The following SEPTIN11 variants were observed in gnomAD, a reference collection of about 807,000 sequenced individuals.
SEPTIN11 encodes the protein septin-11.
Under a neutral mutation model 51.4 loss-of-function variants are expected in SEPTIN11, and 25 were observed. The observed-to-expected ratio is 0.49, with a 90% CI of 0.35 to 0.68. The LOEUF is 0.68. Ranked by LOEUF, SEPTIN11 falls within the 30% of genes least tolerant of loss-of-function variation. The pLI, the probability that SEPTIN11 is intolerant of heterozygous loss-of-function variation, is 0.00. For missense variants in SEPTIN11, 381 were observed against 520.8 expected (o/e 0.73, Z 2.61); for synonymous variants, 174 against 184.1 (o/e 0.95, Z 0.44).
At chr4:77,016,250 CT>C (rs1725214380) in intron 5 of SEPTIN11, among the ~76,000 whole-genome samples, 2 of 151,836 alleles carry the variant, frequency 1.3e-5, no homozygotes, top group East Asian at 3.9e-4. Context: ...GTTATTATTC[CT>C]CCCTCATATA....
intron 1 of SEPTIN11, among the ~76,000 whole-genome samples, chr4:76,963,207 A>G (rs1721891732): frequency 6.6e-6 from 1 of 152,218 alleles, no homozygotes; most frequent in African/African-American, 2.4e-5. Flanking sequence ...TGGTCTTTAA[A>G]TATACTTTTG....
chr4:77,001,007 A>G (rs914609890), intron 2 of SEPTIN11, among the ~76,000 whole-genome samples: 3 of 152,172 alleles, frequency 2.0e-5, no homozygotes, highest in Non-Finnish European at 4.4e-5. Context: ...CAGATCAACA[A>G]TTTGTTCAAT....
At chr4:76,988,136 A>C (rs1239549252) in intron 1 of SEPTIN11, among the ~76,000 whole-genome samples, 1 of 152,220 alleles carries the variant, frequency 6.6e-6, no homozygotes, top group Non-Finnish European at 1.5e-5. Context: ...CCGCCTATTA[A>C]ATTAATATTC....
intron 1 of SEPTIN11, among the ~76,000 whole-genome samples, chr4:76,983,063 G>A (rs968651082): frequency 3.3e-5 from 5 of 152,076 alleles, no homozygotes; most frequent in African/African-American, 9.7e-5. Flanking sequence ...GGCAGAATCC[G>A]AAAATGGCCC....
intron 7 of SEPTIN11, among the ~76,000 whole-genome samples, chr4:77,027,685 T>C (rs1726277164): frequency 6.6e-6 from 1 of 152,168 alleles, no homozygotes; most frequent in South Asian, 2.1e-4. Flanking sequence ...CAACAATTGT[T>C]GTAGGGAAAC....
At chr4:77,012,426 A>G (rs1724940768) in intron 4 of SEPTIN11, among the ~76,000 whole-genome samples, 1 of 152,210 alleles carries the variant, frequency 6.6e-6, no homozygotes, top group Non-Finnish European at 1.5e-5. Flanking sequence ...TTTTCACAAC[A>G]CATGAAGGAA....
At chr4:76,986,492 A>G in intron 1 of SEPTIN11, among the ~76,000 whole-genome samples, 1 of 152,234 alleles carries the variant, frequency 6.6e-6, no homozygotes, top group Non-Finnish European at 1.5e-5. Context: ...CAAAAGATAA[A>G]TATGTTAATT....
chr4:77,036,436 G>C lies in SEPTIN11; in HGVS notation c.*1924G>C. 4 of 1,182,638 alleles carry C rather than the reference G, an allele frequency of 3.4e-6. No homozygotes were observed. The South Asian group carries it at 7.5e-5, about 22-fold the overall frequency. The allele number at this position is 1,182,638 out of a possible 1,614,324, so 73.3% of individuals were successfully genotyped here. On this transcript the variant is annotated 3_prime_UTR_variant, in exon 10 of 10. Coordinates refer to ENST00000264893, the MANE Select transcript of SEPTIN11 (RefSeq NM_018243.4). ...TGCTTGTTCCAACCACCGCTTGTGT[G>C]AGCATTTTTGTGGCTTGTACAGAAA...
At chr4:76,960,076 G>A (rs1167174251) in intron 1 of SEPTIN11, among the ~76,000 whole-genome samples, 3 of 152,096 alleles carry the variant, frequency 2.0e-5, no homozygotes, top group African/African-American at 4.8e-5. Context: ...ACTGCACTTC[G>A]TGTAAGCCAT....
intron 1 of SEPTIN11, among the ~76,000 whole-genome samples, chr4:76,973,787 G>C (rs367660619): frequency 1.3e-5 from 2 of 152,244 alleles, no homozygotes; most frequent in African/African-American, 4.8e-5. Context: ...CCACATCTGC[G>C]AGGATGTACA....
Position 76,952,670 on chromosome 4 carries a change from G to C in SEPTIN11, c.27+2740G>C, listed in dbSNP as rs74563920. Among the ~76,000 whole-genome samples, 578 of 152,312 alleles carry C rather than the reference G, an allele frequency of 3.8e-3. 4 individuals are homozygous for C. The highest frequency in any genetic ancestry group is 0.013 in the African/African-American group (540 of 41,560). ...GACTGCAAAACAAAGCTTCAATTTA[G>C]TGTGATACTGTTTATTTCAGTTTTA... On this transcript the variant is annotated intron_variant, in intron 1 of 9. Coordinates refer to ENST00000264893, the MANE Select transcript of SEPTIN11 (RefSeq NM_018243.4).
At chr4:76,975,410 C>G (rs987528227) in intron 1 of SEPTIN11, among the ~76,000 whole-genome samples, 3 of 152,126 alleles carry the variant, frequency 2.0e-5, no homozygotes, top group Non-Finnish European at 4.4e-5. Flanking sequence ...CAACTTCAAT[C>G]CGCTTCTATT....
At chr4:77,020,458 A>T in intron 6 of SEPTIN11, 44 bp from the exon 7 acceptor site, 2 of 1,600,294 alleles carry the variant, frequency 1.2e-6, no homozygotes, top group African/African-American at 1.3e-5. Flanking sequence ...TTTCAGTGAC[A>T]TCATTGCTAA....
At chr4:76,962,203 G>A (rs1721851560) in intron 1 of SEPTIN11, among the ~76,000 whole-genome samples, 1 of 152,148 alleles carries the variant, frequency 6.6e-6, no homozygotes, top group African/African-American at 2.4e-5. Context: ...TGATGCCTGT[G>A]GGTTTGTGCT....
At chr4:76,983,948 A>G (rs1209000867) in intron 1 of SEPTIN11, among the ~76,000 whole-genome samples, 1 of 152,142 alleles carries the variant, frequency 6.6e-6, no homozygotes, top group Non-Finnish European at 1.5e-5. Context: ...CGGAGGTTGC[A>G]TTGAGCCGAG....
At chr4:77,025,868 G>A (rs1366587903) in intron 7 of SEPTIN11, among the ~76,000 whole-genome samples, 1 of 152,138 alleles carries the variant, frequency 6.6e-6, no homozygotes, top group African/African-American at 2.4e-5. Context: ...AGCATTTGTT[G>A]AGCCCATTTG....
chr4:77,032,088 T>C (rs554092833), intron 9 of SEPTIN11: 31 of 152,320 alleles, frequency 2.0e-4, no homozygotes, highest in African/African-American at 7.0e-4. Flanking sequence ...TCTTGGTGAA[T>C]GTGCAGTAGG....
At chr4:77,017,318 A>C (rs1308583767) in intron 5 of SEPTIN11, among the ~76,000 whole-genome samples, 1 of 152,196 alleles carries the variant, frequency 6.6e-6, no homozygotes, top group Non-Finnish European at 1.5e-5. Context: ...CCTGCTCTTT[A>C]AAGAAATTTT....
chr4:77,039,030 G>A (rs1727221402), downstream of SEPTIN11: 1 of 1,210,984 alleles, frequency 8.3e-7, no homozygotes, highest in African/African-American at 1.6e-5. Flanking sequence ...AAGCCATTAA[G>A]AATCAAATTT....
Sources: allele counts gnomAD v4.1 joint callset (sites outside exome capture counted in the v4.1 genomes callset), GRCh38; gene constraint gnomAD v4.1.1; transcripts MANE v1.5; gene names NCBI Gene and HGNC (gene_info 2026-07-23, HGNC 2026-07-21).